CACNA2D3: variants seen among roughly 807,000 people sequenced by gnomAD.
CACNA2D3 encodes the protein voltage-dependent calcium channel subunit alpha-2/delta-3.
Under a neutral mutation model 160.6 loss-of-function variants are expected in CACNA2D3, and 60 were observed. The ratio of observed to expected loss-of-function variants is 0.37; its 90% CI spans 0.30 to 0.46. The LOEUF (loss-of-function observed/expected upper bound fraction) is 0.46, where lower values mean the gene tolerates loss of function less well. CACNA2D3 is among the 20% of genes least tolerant of loss of function. CACNA2D3 has a pLI of 1.00. For synonymous variants in CACNA2D3, 558 were observed against 492.9 expected (o/e 1.13, Z -1.75); for missense variants, 1,205 against 1,365.0 (o/e 0.88, Z 1.85).
At chr3:54,374,768 C>T (rs1015559405) in intron 3 of CACNA2D3, among the ~76,000 whole-genome samples, 10 of 152,162 alleles carry the variant, frequency 6.6e-5, no homozygotes, top group African/African-American at 2.4e-4. Flanking sequence ...TTCTCTGTAT[C>T]CTGTTGGCCT....
intron 4 of CACNA2D3, among the ~76,000 whole-genome samples, chr3:54,454,368 G>C (rs775191149): frequency 1.3e-5 from 2 of 151,976 alleles, no homozygotes; most frequent in Non-Finnish European, 2.9e-5. Flanking sequence ...CTTGTACCCC[G>C]GTGTAGTCAG....
At chr3:54,734,387 G>A (rs915749696) in intron 11 of CACNA2D3, among the ~76,000 whole-genome samples, 5 of 152,198 alleles carry the variant, frequency 3.3e-5, no homozygotes, top group African/African-American at 1.2e-4. Context: ...TCTTCGCAGT[G>A]AAGTCAGTTC....
At position 54,167,198 on chromosome 3, in the gene CACNA2D3, A is replaced by G. The variant is rs371249957; in HGVS notation, c.204+43604A>G. Among the ~76,000 whole-genome samples the G allele has an allele frequency of 7.2e-5, 11 of 152,218 alleles. No homozygotes were observed. The South Asian group carries it at 2.1e-3, about 29-fold the overall frequency. ...AGTTATTGAGACAGCTGTGTTCCCC[A>G]CTAGGTCATAAGCTCACCTGGGGTG... On this transcript the variant is annotated intron_variant, in intron 2 of 37. Coordinates refer to ENST00000474759, the MANE Select transcript of CACNA2D3 (RefSeq NM_018398.3).
intron 27 of CACNA2D3, among the ~76,000 whole-genome samples, chr3:54,942,626 C>A (rs563220490): frequency 6.6e-6 from 1 of 151,960 alleles, no homozygotes; most frequent in South Asian, 2.1e-4. Context: ...TACTGGTTCA[C>A]GCCTGTAATT....
At chr3:54,450,526 T>C (rs1396772580) in intron 4 of CACNA2D3, among the ~76,000 whole-genome samples, 1 of 152,104 alleles carries the variant, frequency 6.6e-6, no homozygotes, top group East Asian at 1.9e-4. Context: ...AGAGGATCCC[T>C]CATGAATAGA....
intron 4 of CACNA2D3, among the ~76,000 whole-genome samples, chr3:54,416,937 C>T (rs946646413): frequency 6.6e-6 from 1 of 152,130 alleles, no homozygotes. Context: ...TCATACAACT[C>T]AAGTTGCCAC....
chr3:54,828,625 C>T (rs1396932081), intron 14 of CACNA2D3, among the ~76,000 whole-genome samples: 1 of 152,068 alleles, frequency 6.6e-6, no homozygotes, highest in Non-Finnish European at 1.5e-5. Flanking sequence ...TATAGATGTT[C>T]CAAGATTGTC....
intron 4 of CACNA2D3, among the ~76,000 whole-genome samples, chr3:54,478,640 A>G (rs1700871466): frequency 2.1e-5 from 1 of 47,610 alleles, no homozygotes; most frequent in African/African-American, 5.9e-5. Flanking sequence ...TCAAAAAAAT[A>G]TATATATAAA....
rs893391165 is a variant in CACNA2D3 at position 54,677,323 on chromosome 3, A to G, written c.1167+35082A>G. Reference sequence around the variant, plus strand: ...ATAAAAAGGAAAGGCAGACCTGAGCATATGTGATATATTCTAAGTTTTCTC... The same window carrying G: ...ATAAAAAGGAAAGGCAGACCTGAGCGTATGTGATATATTCTAAGTTTTCTC... On this transcript the variant is annotated intron_variant, in intron 11 of 37. Transcript: ENST00000474759. Among the ~76,000 whole-genome samples the G allele has an allele frequency of 4.6e-5, 7 of 152,214 alleles. No individual in the cohort carries two copies. The East Asian group carries it at 1.3e-3, about 29-fold the overall frequency.
chr3:54,493,060 C>CTTTTTTTTTT (rs34225864), intron 4 of CACNA2D3, among the ~76,000 whole-genome samples: 1 of 58,770 alleles, frequency 1.7e-5, no homozygotes, highest in African/African-American at 7.7e-5. Flanking sequence ...TTGCTCAAAA[C>CTTTTTTTTTT]TTTTTTTTTT....
intron 3 of CACNA2D3, among the ~76,000 whole-genome samples, chr3:54,377,732 A>G (rs954296209): frequency 2.0e-5 from 3 of 152,222 alleles, no homozygotes; most frequent in East Asian, 3.8e-4. Flanking sequence ...TTCTGACTCT[A>G]CTGTAACAAA....
intron 2 of CACNA2D3, among the ~76,000 whole-genome samples, chr3:54,281,352 T>C (rs1009108510): frequency 7.9e-5 from 12 of 152,290 alleles, no homozygotes; most frequent in African/African-American, 2.2e-4. Context: ...CCACTGTGTA[T>C]CCAGATTGCC....
chr3:54,783,605 C>CAAATAAAT (rs1305507074), intron 13 of CACNA2D3, among the ~76,000 whole-genome samples: 1 of 151,516 alleles, frequency 6.6e-6, no homozygotes, highest in African/African-American at 2.4e-5. Context: ...GACTCCATCT[C>CAAATAAAT]AAATAAATAA....
chr3:54,146,197 G>A (rs536235820), intron 2 of CACNA2D3, among the ~76,000 whole-genome samples: 10 of 152,276 alleles, frequency 6.6e-5, no homozygotes, highest in African/African-American at 2.4e-4. Context: ...CCTAAGCCCT[G>A]TATGCAGTAC....
chr3:54,179,372 T>G (rs1407329832), intron 2 of CACNA2D3, among the ~76,000 whole-genome samples: 1 of 152,148 alleles, frequency 6.6e-6, no homozygotes, highest in African/African-American at 2.4e-5. Flanking sequence ...AAGCTCCTTC[T>G]GCAGGAATTC....
Position 54,620,636 on chromosome 3 carries a change from C to T in CACNA2D3, c.964-7151C>T, listed in dbSNP as rs546903193. 6.6e-5 allele frequency among the ~76,000 whole-genome samples: 10 copies of T among 152,324 alleles called. 2 individuals carry two copies. The highest frequency in any genetic ancestry group is 2.2e-4 in the African/African-American group (9 of 41,576). Reference sequence around the variant, plus strand: ...CTCTGGGCCACTGCATATGTCACATCCCCTGGAAACCAGCCCTGCACGGAA... The same window carrying T: ...CTCTGGGCCACTGCATATGTCACATTCCCTGGAAACCAGCCCTGCACGGAA... On this transcript the variant is annotated intron_variant, in intron 9 of 37. Transcript: ENST00000474759.
At chr3:54,653,487 C>T (rs558079342) in intron 11 of CACNA2D3, among the ~76,000 whole-genome samples, 1 of 152,316 alleles carries the variant, frequency 6.6e-6, no homozygotes, top group South Asian at 2.1e-4. Flanking sequence ...AAAATAGGAA[C>T]ACTCATTTCT....
chr3:54,314,412 G>A (rs919340451), intron 2 of CACNA2D3, among the ~76,000 whole-genome samples: 4 of 152,110 alleles, frequency 2.6e-5, no homozygotes, highest in African/African-American at 9.7e-5. Context: ...TTTCCTCTGG[G>A]TAGATACCCA....
chr3:54,647,806 C>A (rs1699680779), intron 11 of CACNA2D3, among the ~76,000 whole-genome samples: 1 of 152,214 alleles, frequency 6.6e-6, no homozygotes, highest in South Asian at 2.1e-4. Flanking sequence ...ATCATGATTG[C>A]TTATGCAATG....
Sources: gnomAD v4.1 joint callset for allele counts (sites outside exome capture counted in the v4.1 genomes callset) on GRCh38, gnomAD v4.1.1 for gene constraint, MANE v1.5 for transcripts, NCBI Gene and HGNC (gene_info 2026-07-23, HGNC 2026-07-21) for gene names.